Variants in CADM2 observed in about 807,000 individuals in gnomAD.
CADM2 encodes the protein immunoglobulin superfamily member 4D.
CADM2 carries 12 observed loss-of-function variants against 49.8 expected under a neutral mutation model. That is an observed-to-expected ratio of 0.24 (90% CI 0.15 to 0.39). CADM2 has a LOEUF of 0.39. Ranked by LOEUF, CADM2 falls within the 10% of genes least tolerant of loss-of-function variation. CADM2 has a pLI of 1.00. For missense variants in CADM2, 378 were observed against 492.3 expected (o/e 0.77, Z 2.20); for synonymous variants, 214 against 175.4 (o/e 1.22, Z -1.74).
intron 8 of CADM2, among the ~76,000 whole-genome samples, chr3:86,058,041 C>T (rs1055102968): frequency 7.9e-5 from 12 of 152,226 alleles, no homozygotes; most frequent in Admixed American, 7.9e-4. Flanking sequence ...ACTTTACATA[C>T]ATTGAAAAAA....
intron 1 of CADM2, among the ~76,000 whole-genome samples, chr3:85,517,555 C>G (rs891176732): frequency 2.7e-4 from 41 of 152,054 alleles, no homozygotes; most frequent in Admixed American, 2.0e-4. Context: ...AGAATTATAT[C>G]GTCATGATTT....
At chr3:85,118,111 T>G (rs1319359806) in intron 1 of CADM2, among the ~76,000 whole-genome samples, 1 of 147,218 alleles carries the variant, frequency 6.8e-6, no homozygotes, top group African/African-American at 2.7e-5. Context: ...ACATAAAGGG[T>G]TTTTTTTTCT....
rs374561205 is a variant in CADM2, at chr3:85,919,780, A to G, written c.700+7237A>G. Among the ~76,000 whole-genome samples the G allele has an allele frequency of 7.2e-5, 11 of 151,918 alleles. 1 individual carries two copies. The highest frequency in any genetic ancestry group is 5.9e-4 in the Admixed American group (9 of 15,234). On this transcript the variant is annotated intron_variant, in intron 6 of 9. Coordinates refer to ENST00000383699, the MANE Select transcript of CADM2 (RefSeq NM_001167675.2). ...AAATTCTTCCCTGTACTTTTTTGTT[A>G]CTTTTCTGGACCAACTAATATGCTT... is the stretch of plus-strand genomic sequence containing the variant.
intron 2 of CADM2, among the ~76,000 whole-genome samples, chr3:85,773,714 A>G (rs1467167139): frequency 6.6e-6 from 1 of 151,996 alleles, no homozygotes; most frequent in Non-Finnish European, 1.5e-5. Context: ...TATTGGTTTA[A>G]TGTCCTTGAT....
rs1331307958 is a variant in CADM2, at chr3:86,067,781, T to C, written c.*998T>C. Reference sequence around the variant, plus strand: ...CCATTATATCCCTTTAGGTATTACTTAAACCAATATTATAAGTAGATAACA... The same window carrying C: ...CCATTATATCCCTTTAGGTATTACTCAAACCAATATTATAAGTAGATAACA... On this transcript the variant is annotated 3_prime_UTR_variant, in exon 10 of 10. Transcript: ENST00000383699. 1 of 152,504 alleles carries C rather than the reference T, an allele frequency of 6.6e-6. No individual in the cohort carries two copies. Among genetic ancestry groups the C allele is most frequent in the Admixed American group, 6.6e-5 (1 of 15,262 alleles). The allele number at this position is 152,504 out of a possible 1,614,324, so 9.4% of individuals were successfully genotyped here. A position where few individuals can be genotyped will look rare whatever the true frequency, so the allele number is the denominator to read the frequency against.
chr3:85,532,769 A>G (rs1451891528), intron 1 of CADM2, among the ~76,000 whole-genome samples: 2 of 152,254 alleles, frequency 1.3e-5, no homozygotes, highest in African/African-American at 4.8e-5. Flanking sequence ...AATGCCCATC[A>G]GTGATAGACT....
At chr3:85,253,286 T>A (rs2042815041) in intron 1 of CADM2, among the ~76,000 whole-genome samples, 2 of 152,074 alleles carry the variant, frequency 1.3e-5, no homozygotes, top group African/African-American at 4.8e-5. Flanking sequence ...ATCTTTAAAA[T>A]CAAAGTTATT....
chr3:85,643,589 G>A (rs2064793662), intron 1 of CADM2, among the ~76,000 whole-genome samples: 1 of 152,086 alleles, frequency 6.6e-6, no homozygotes, highest in Non-Finnish European at 1.5e-5. Flanking sequence ...GAGGGGAGTT[G>A]ACTATACTTT....
intron 1 of CADM2, among the ~76,000 whole-genome samples, chr3:85,254,975 A>C (rs935838802): frequency 2.6e-5 from 4 of 152,150 alleles, no homozygotes; most frequent in African/African-American, 9.7e-5. Flanking sequence ...CAAGTTTGCA[A>C]AGAATGAAGT....
At chr3:85,190,583 A>C (rs1315610660) in intron 1 of CADM2, among the ~76,000 whole-genome samples, 1 of 152,152 alleles carries the variant, frequency 6.6e-6, no homozygotes, top group African/African-American at 2.4e-5. Context: ...CCCCAAACTC[A>C]CACAAAATCA....
intron 1 of CADM2, among the ~76,000 whole-genome samples, chr3:85,098,038 A>G (rs991955078): frequency 2.0e-5 from 3 of 152,184 alleles, no homozygotes; most frequent in Non-Finnish European, 4.4e-5. Context: ...AATTTGTGTC[A>G]TAGGAAATGA....
At chr3:85,171,933 CA>C (rs1409246133) in intron 1 of CADM2, among the ~76,000 whole-genome samples, 5 of 152,154 alleles carry the variant, frequency 3.3e-5, no homozygotes, top group Middle Eastern at 3.4e-3. Context: ...ATTTACACTG[CA>C]AAAAGACTAT....
intron 1 of CADM2, chr3:85,511,805 G>T: frequency 2.3e-6 from 2 of 873,320 alleles, no homozygotes; most frequent in Non-Finnish European, 2.7e-6. Flanking sequence ...TGCAAACTTC[G>T]AAATAATATC....
chr3:85,112,217 C>T (rs1218769764), intron 1 of CADM2, among the ~76,000 whole-genome samples: 1 of 151,880 alleles, frequency 6.6e-6, no homozygotes, highest in African/African-American at 2.4e-5. Flanking sequence ...ATATATCCTT[C>T]TCATCAGCAT....
At chr3:85,372,736 T>A (rs1375611040) in intron 1 of CADM2, among the ~76,000 whole-genome samples, 2 of 152,098 alleles carry the variant, frequency 1.3e-5, no homozygotes, top group East Asian at 3.9e-4. Flanking sequence ...ACTCACAGTT[T>A]CACATGACTG....
intron 1 of CADM2, among the ~76,000 whole-genome samples, chr3:85,684,060 T>A (rs539736504): frequency 5.3e-5 from 8 of 152,278 alleles, no homozygotes; most frequent in African/African-American, 1.9e-4. Context: ...GATTGGTGGA[T>A]CAGAAGTATC....
At chr3:85,969,359 C>A (rs1180832395) in intron 8 of CADM2, among the ~76,000 whole-genome samples, 2 of 151,354 alleles carry the variant, frequency 1.3e-5, no homozygotes, top group Admixed American at 1.3e-4. Context: ...TTATCAAGGT[C>A]ATTTTCTTTA....
intron 1 of CADM2, among the ~76,000 whole-genome samples, chr3:85,151,128 G>A (rs1006858597): frequency 3.3e-5 from 5 of 152,014 alleles, no homozygotes; most frequent in African/African-American, 9.7e-5. Context: ...GAAATTCTAC[G>A]CCTGGCCTGA....
intron 1 of CADM2, among the ~76,000 whole-genome samples, chr3:85,379,359 AG>A (rs1267322449): frequency 5.3e-5 from 8 of 151,974 alleles, no homozygotes; most frequent in African/African-American, 1.9e-4. Context: ...GTTTAGATGA[AG>A]GTAAAAATAA....
Sources: allele counts gnomAD v4.1 joint callset (sites outside exome capture counted in the v4.1 genomes callset), GRCh38; gene constraint gnomAD v4.1.1; transcripts MANE v1.5; gene names NCBI Gene and HGNC (gene_info 2026-07-23, HGNC 2026-07-21).